Variants in COL11A1 observed in about 807,000 individuals in gnomAD.
The protein encoded by COL11A1 is collagen alpha-1(XI) chain.
In COL11A1, 74 loss-of-function variants were observed where a neutral mutation model predicts 265.2. The ratio of observed to expected loss-of-function variants is 0.28; its 90% CI spans 0.23 to 0.34. The LOEUF (loss-of-function observed/expected upper bound fraction) is 0.34. Among genes scored for constraint, COL11A1 ranks in the 10% least tolerant of loss-of-function variants. The probability of loss-of-function intolerance (pLI) is 1.00; values close to 1 mark genes in which losing one functional copy is unlikely to be tolerated. For synonymous variants in COL11A1, 816 were observed against 727.6 expected, an observed-to-expected ratio of 1.12 and a Z score of -1.96; for missense variants, 2,165 against 2,263.6, an observed-to-expected ratio of 0.96 and a Z score of 0.88.
At chr1:102,966,814 C>T (rs1443529150) in intron 37 of COL11A1, among the ~76,000 whole-genome samples, 1 of 152,138 alleles carries the variant, frequency 6.6e-6, no homozygotes, top group East Asian at 1.9e-4. Flanking sequence ...ATGAACTCCT[C>T]CATTCCCAAC....
chr1:103,020,299 T>C (rs1482487157), intron 9 of COL11A1, among the ~76,000 whole-genome samples: 1 of 135,466 alleles, frequency 7.4e-6, no homozygotes, highest in Non-Finnish European at 1.6e-5. Flanking sequence ...TGTGAGATGG[T>C]ATCTCATTGT....
chr1:102,884,267 A>T (rs965103107), intron 63 of COL11A1: 3 of 151,952 alleles, frequency 2.0e-5, no homozygotes, highest in African/African-American at 7.3e-5. Flanking sequence ...TTTTTTGCAA[A>T]GCCAGCTATA....
At chr1:103,069,630 A>T (rs1671417542) in intron 4 of COL11A1, among the ~76,000 whole-genome samples, 1 of 151,960 alleles carries the variant, frequency 6.6e-6, no homozygotes, top group South Asian at 2.1e-4. Flanking sequence ...ACATACTGGA[A>T]AAAATATTTG....
intron 29 of COL11A1, among the ~76,000 whole-genome samples, chr1:102,988,319 T>A (rs1441275356): frequency 1.3e-5 from 2 of 152,132 alleles, no homozygotes; most frequent in African/African-American, 4.8e-5. Flanking sequence ...CCTAGCCTCC[T>A]GCTCACCAAA....
intron 42 of COL11A1, among the ~76,000 whole-genome samples, chr1:102,943,448 CACAT>C (rs1309560144): frequency 2.5e-5 from 3 of 118,468 alleles, no homozygotes; most frequent in African/African-American, 1.0e-4. Context: ...CACACACACA[CACAT>C]ACACACACAC....
At chr1:103,102,822 A>G (rs967088354) in intron 1 of COL11A1, among the ~76,000 whole-genome samples, 1 of 152,032 alleles carries the variant, frequency 6.6e-6, no homozygotes, top group Non-Finnish European at 1.5e-5. Context: ...CCCTATGGCC[A>G]TGTATTGCTT....
Position 102,886,976 on chromosome 1 carries a change from T to A in COL11A1, c.4689A>T (p.Ala1563=), listed in dbSNP as rs1250407118. The A allele has an allele frequency of 3.7e-6, 6 of 1,613,966 alleles. No individual in the cohort carries two copies. Among genetic ancestry groups the A allele is most frequent in the Non-Finnish European group, 5.1e-6 (6 of 1,179,874 alleles). ...AATCAAGAATATTATCATCTGCATCTGCTTGCATGCCTTCAGTATGTCTTC... is the reference window on the plus strand; with the variant it reads ...AATCAAGAATATTATCATCTGCATCAGCTTGCATGCCTTCAGTATGTCTTC... The part of the protein sequence containing the change: ...KTRRHTEGMQ[A]DADDNILDYS... The change falls in exon 63 of 67, where the codon GCA becomes GCT. Residue 1563 remains alanine (A), a synonymous_variant. Coordinates refer to ENST00000370096, the MANE Select transcript of COL11A1 (RefSeq NM_001854.4).
chr1:102,917,698 GATT>G (rs1012328148), intron 49 of COL11A1, among the ~76,000 whole-genome samples: 11 of 151,738 alleles, frequency 7.2e-5, no homozygotes, highest in African/African-American at 2.7e-4. Context: ...ATTGTGAAAA[GATT>G]ATTTTCTTTT....
chr1:102,922,055 T>C (rs1618201), intron 47 of COL11A1, among the ~76,000 whole-genome samples: 142,778 of 152,270 alleles, frequency 0.94, 66,982 homozygotes, highest in East Asian at 1. Flanking sequence ...TTAATTTCAT[T>C]GTAAAACAAA....
At chr1:103,048,750 C>T (rs931299124) in intron 4 of COL11A1, among the ~76,000 whole-genome samples, 1 of 152,064 alleles carries the variant, frequency 6.6e-6, no homozygotes, top group African/African-American at 2.4e-5. Flanking sequence ...CTATAAATTT[C>T]CCTCTACACA....
At chr1:103,107,381 G>C (rs979141459) in intron 1 of COL11A1, among the ~76,000 whole-genome samples, 2 of 151,364 alleles carry the variant, frequency 1.3e-5, no homozygotes, top group Non-Finnish European at 2.9e-5. Context: ...AAGAAGAAGC[G>C]GAGGGGTGGG....
At chr1:103,049,599 A>C (rs1290319193) in intron 4 of COL11A1, among the ~76,000 whole-genome samples, 1 of 152,190 alleles carries the variant, frequency 6.6e-6, no homozygotes, top group Non-Finnish European at 1.5e-5. Context: ...GCCCATTTAC[A>C]TTCAAAGTTA....
chr1:103,011,792 T>C (rs1666152390), intron 14 of COL11A1, among the ~76,000 whole-genome samples: 1 of 152,120 alleles, frequency 6.6e-6, no homozygotes. Flanking sequence ...TCCTGTGAAC[T>C]GCTACACCAC....
At chr1:102,919,012 AGAG>A (rs1331393212) in intron 49 of COL11A1, among the ~76,000 whole-genome samples, 3 of 152,054 alleles carry the variant, frequency 2.0e-5, no homozygotes, top group Non-Finnish European at 4.4e-5. Context: ...GATGATGCAA[AGAG>A]AAGAGGAAAA....
intron 54 of COL11A1, 49 bp downstream of exon 54, chr1:102,912,110 A>G (rs1280456290): frequency 7.1e-7 from 1 of 1,416,526 alleles, no homozygotes; most frequent in Non-Finnish European, 9.9e-7. Context: ...AAATTTATCC[A>G]TGGTGACTAA....
intron 11 of COL11A1, 78 bp from the exon 12 acceptor site, chr1:103,015,820 A>C (rs1666519897): frequency 9.1e-7 from 1 of 1,098,250 alleles, no homozygotes; most frequent in African/African-American, 1.6e-5. Flanking sequence ...CTTATAACGT[A>C]AGTCTACTTT....
At position 102,997,746 on chromosome 1, in the gene COL11A1, T is replaced by C. The variant is rs1664761594; in HGVS notation, c.2196+564A>G. Among the ~76,000 whole-genome samples, 6 of 152,082 alleles carry C rather than the reference T, an allele frequency of 3.9e-5. 1 individual carries two copies. ...ATAACAAATGTTTTAATATAATAAC[T>C]GTAGAGATTACATAATTTCATTGTT... On this transcript the variant is annotated intron_variant, in intron 25 of 66. Coordinates refer to ENST00000370096, the MANE Select transcript of COL11A1 (RefSeq NM_001854.4).
At chr1:103,106,958 T>A (rs1324877622) in intron 1 of COL11A1, among the ~76,000 whole-genome samples, 1 of 152,144 alleles carries the variant, frequency 6.6e-6, no homozygotes, top group Non-Finnish European at 1.5e-5. Flanking sequence ...TCAGTCACCC[T>A]CCTTCCTATC....
intron 23 of COL11A1, 146 bp from the exon 24 acceptor site, chr1:103,002,115 C>T (rs530757346): frequency 6.6e-6 from 5 of 758,292 alleles, no homozygotes; most frequent in South Asian, 1.7e-5. Flanking sequence ...TTTTAGAACA[C>T]GATGAGGAGT....
Sources: gnomAD v4.1 joint callset for allele counts (sites outside exome capture counted in the v4.1 genomes callset) on GRCh38, gnomAD v4.1.1 for gene constraint, MANE v1.5 for transcripts, NCBI Gene and HGNC (gene_info 2026-07-23, HGNC 2026-07-21) for gene names.